The following VPS13C variants were observed in gnomAD, a reference collection of about 807,000 sequenced individuals.
The protein encoded by VPS13C is intermembrane lipid transfer protein VPS13C.
A neutral mutation model predicts 456.8 loss-of-function variants in VPS13C; 358 were observed. The ratio of observed to expected loss-of-function variants is 0.78; its 90% confidence interval spans 0.72 to 0.86. VPS13C has a LOEUF of 0.86. Among genes scored for constraint, VPS13C ranks in the 40% least tolerant of loss-of-function variants. The probability of loss-of-function intolerance (pLI) is 0.00; values close to 1 mark genes in which losing one functional copy is unlikely to be tolerated. For missense variants in VPS13C, 4,818 were observed against 4,385.4 expected (o/e 1.10, Z -2.79); for synonymous variants, 1,578 against 1,486.7 (o/e 1.06, Z -1.41).
At chr15:61,909,223 T>G in intron 64 of VPS13C, 98 bp from the exon 65 acceptor site, 1 of 1,472,996 alleles carries the variant, frequency 6.8e-7, no homozygotes, top group Non-Finnish European at 9.2e-7. Flanking sequence ...GCTTTGGTTT[T>G]TTTCGAGACA....
chr15:61,940,763 C>A lies in VPS13C; in HGVS notation c.5485G>T (p.Asp1829Tyr), dbSNP rs935534719. ...TILQASLPQN[D>Y]IEILKPVNML... ...TTGACTGGTTTTAAAATTTCAATGT[C>A]ATTTTGTGGCAAGCTAGCCTGCAAA... Residue 1829 changes from aspartate (D) to tyrosine (Y), a missense_variant, in exon 47 of 85, where the codon GAC becomes TAC. Around this residue, in one of 3 missense-constraint regions of VPS13C, gnomAD observed 4,552 missense variants for 4,130.6 expected, o/e 1.10. Coordinates refer to ENST00000644861, the MANE Select transcript of VPS13C (RefSeq NM_020821.3). 1.2e-6 allele frequency: 2 copies of A among 1,613,288 alleles called. No homozygotes were observed. Among genetic ancestry groups the A allele is most frequent in the Admixed American group, 3.3e-5 (2 of 59,996 alleles).
rs1181926096 is a variant in VPS13C, at chr15:61,972,657, T to G, written c.2725A>C (p.Ile909Leu). Residue 909 changes from isoleucine (I) to leucine (L), a missense_variant, in exon 27 of 85, where the codon ATC becomes CTC. By Grantham distance (5) the Ile-to-Leu change is conservative. Transcript: ENST00000644861. ...KAAEVPNEELINLLLKFEIKE... is the reference protein window; with the variant it reads ...KAAEVPNEELLNLLLKFEIKE... ...ATTTCAAACTTGAGTAGAAGATTGATGAGCTCCTCATTTGGGACCTCTGCA... is the reference window on the plus strand; with the variant it reads ...ATTTCAAACTTGAGTAGAAGATTGAGGAGCTCCTCATTTGGGACCTCTGCA... 2.2e-5 allele frequency: 35 copies of G among 1,613,376 alleles called. No individual in the cohort carries two copies. Among genetic ancestry groups the G allele is most frequent in the Non-Finnish European group, 2.9e-5 (34 of 1,179,698 alleles).
rs1555422520 is a variant in VPS13C, at chr15:61,929,750, T to C, written c.6039-2A>G. ...TGGTCATTCTTTCTGTCAATCATTC[T>C]GAAAAAAAACATGCTATTCATTATT... On this transcript the variant is annotated splice_acceptor_variant, in intron 50 of 84. Transcript: ENST00000644861. LOFTEE classifies it high-confidence loss of function. 3.7e-6 allele frequency: 6 copies of C among 1,604,180 alleles called. No homozygotes were observed. The East Asian group carries it at 1.3e-4, about 36-fold the overall frequency.
At chr15:61,861,695 T>C (rs1894235832) in intron 82 of VPS13C, among the ~76,000 whole-genome samples, 1 of 152,166 alleles carries the variant, frequency 6.6e-6, no homozygotes, top group Non-Finnish European at 1.5e-5. Context: ...GAAAATGTTA[T>C]TTTTAAGAAT....
At chr15:62,039,039 C>G (rs1018706770) in intron 3 of VPS13C, among the ~76,000 whole-genome samples, 1 of 151,972 alleles carries the variant, frequency 6.6e-6, no homozygotes, top group African/African-American at 2.4e-5. Flanking sequence ...GAAAACAGTA[C>G]GGAGATATCT....
intron 4 of VPS13C, among the ~76,000 whole-genome samples, chr15:62,034,002 T>A (rs2047904944): frequency 1.3e-5 from 2 of 151,640 alleles, no homozygotes; most frequent in South Asian, 4.1e-4. Flanking sequence ...TCTAGTAATG[T>A]CATTTCTGAT....
chr15:62,000,190 C>A (rs1453702426), intron 16 of VPS13C, among the ~76,000 whole-genome samples: 1 of 151,982 alleles, frequency 6.6e-6, no homozygotes, highest in Non-Finnish European at 1.5e-5. Flanking sequence ...GGCAACAACC[C>A]ATCTCTACTA....
chr15:61,903,155 G>A (rs1008778868), intron 66 of VPS13C, among the ~76,000 whole-genome samples: 9 of 151,792 alleles, frequency 5.9e-5, no homozygotes, highest in South Asian at 2.1e-4. Flanking sequence ...GCGAAACTCC[G>A]TCTCTACAGA....
chr15:62,003,047 T>C (rs1181357213), intron 15 of VPS13C, among the ~76,000 whole-genome samples: 1 of 152,174 alleles, frequency 6.6e-6, no homozygotes, highest in Non-Finnish European at 1.5e-5. Flanking sequence ...TTTTTTCCAA[T>C]TCTGTGAAGA....
intron 67 of VPS13C, among the ~76,000 whole-genome samples, chr15:61,888,884 G>C (rs1447102678): frequency 1.3e-5 from 2 of 152,090 alleles, no homozygotes; most frequent in African/African-American, 4.8e-5. Context: ...AGACAATAAT[G>C]TAGTATCAAT....
At chr15:61,950,564 AAAAC>A in intron 40 of VPS13C, 147 bp from the exon 41 acceptor site, 2 of 676,494 alleles carry the variant, frequency 3.0e-6, no homozygotes, top group Non-Finnish European at 4.9e-6. Flanking sequence ...TCAAAAAAAA[AAAAC>A]AAAAACAAAC....
Position 61,915,693 on chromosome 15 carries a change from A to G in VPS13C, c.8385T>C (p.Ala2795=). Residue 2795 remains alanine (A), a synonymous_variant, in exon 61 of 85, where the codon GCT becomes GCC. Transcript: ENST00000644861. ...RSEDIHVKHP[A]DFRDIILFSF... is the part of the protein sequence containing the mutation. Reference sequence around the variant, plus strand: ...AAAATAAAATAATATCCCTGAAATCAGCTGGATGTTTCACATGAATATCTT... The same window carrying G: ...AAAATAAAATAATATCCCTGAAATCGGCTGGATGTTTCACATGAATATCTT... 1.2e-6 allele frequency: 2 copies of G among 1,610,244 alleles called. No homozygotes were observed. The highest frequency in any genetic ancestry group is 2.2e-5 in the South Asian group (2 of 89,480).
chr15:61,855,553 G>A (rs1016470675), intron 83 of VPS13C, among the ~76,000 whole-genome samples: 3 of 151,882 alleles, frequency 2.0e-5, no homozygotes, highest in African/African-American at 7.3e-5. Context: ...TAAATTAAAG[G>A]GTAACAGTAC....
chr15:61,910,611 T>C, intron 63 of VPS13C, among the ~76,000 whole-genome samples: 1 of 152,276 alleles, frequency 6.6e-6, no homozygotes, highest in Non-Finnish European at 1.5e-5. Context: ...TGAAAAATTA[T>C]ATTTAAAAAT....
intron 16 of VPS13C, among the ~76,000 whole-genome samples, chr15:61,996,998 C>CATACATATAT (rs1555437505): frequency 6.9e-6 from 1 of 145,538 alleles, no homozygotes; most frequent in African/African-American, 2.6e-5. Context: ...TACATACATA[C>CATACATATAT]ATATATATAT....
Position 61,913,426 on chromosome 15 carries a change from G to C in VPS13C, c.8446-11C>G, listed in dbSNP as rs374465169. 5 of 1,601,392 alleles carry C rather than the reference G, an allele frequency of 3.1e-6. No individual in the cohort carries two copies. The African/African-American group carries it at 5.3e-5, about 17-fold the overall frequency. On this transcript the variant is annotated splice_polypyrimidine_tract_variant and intron_variant, in intron 61 of 84. Transcript: ENST00000644861. ...AATTTTTAATTGTACCTATACCAGA[G>C]AGCACATATCGTCATATAAGAAATC...
At chr15:61,909,733 A>C (rs1047107629) in intron 64 of VPS13C, among the ~76,000 whole-genome samples, 1 of 152,188 alleles carries the variant, frequency 6.6e-6, no homozygotes, top group Non-Finnish European at 1.5e-5. Context: ...ATCATTTTTT[A>C]TGGCTGCATA....
intron 7 of VPS13C, 22 bp downstream of exon 7, chr15:62,023,758 G>T: frequency 6.3e-7 from 1 of 1,592,074 alleles, no homozygotes; most frequent in South Asian, 1.1e-5. Context: ...CAACACCATG[G>T]CATAAAACTA....
At chr15:61,943,258 G>GA (rs1404631616) in intron 45 of VPS13C, among the ~76,000 whole-genome samples, 1 of 152,018 alleles carries the variant, frequency 6.6e-6, no homozygotes, top group African/African-American at 2.4e-5. Flanking sequence ...CACAGAACTA[G>GA]AAAAAACTAT....
Sources: gnomAD v4.1 joint callset for allele counts (sites outside exome capture counted in the v4.1 genomes callset) on GRCh38, gnomAD v4.1.1 for gene constraint, gnomAD v4.1.1 regional missense constraint, MANE v1.5 for transcripts, NCBI Gene and HGNC (gene_info 2026-07-23, HGNC 2026-07-21) for gene names.